RBMS3: variants seen among roughly 807,000 people sequenced by gnomAD.
RBMS3 encodes RNA binding motif single stranded interacting protein 3.
Under a neutral mutation model 66.8 loss-of-function variants are expected in RBMS3, and 27 were observed. That is an observed-to-expected ratio of 0.40 (90% CI 0.30 to 0.56). RBMS3 has a LOEUF of 0.56. RBMS3 is among the 20% of genes least tolerant of loss of function. RBMS3 has a pLI of 0.40. For missense variants in RBMS3, 513 were observed against 549.5 expected (o/e 0.93, Z 0.66); for synonymous variants, 188 against 183.0 (o/e 1.03, Z -0.22).
intron 3 of RBMS3, among the ~76,000 whole-genome samples, chr3:29,509,361 T>C (rs1295831913): frequency 1.3e-5 from 2 of 152,212 alleles, no homozygotes; most frequent in Admixed American, 1.3e-4. Context: ...TAATGACTAA[T>C]ATATAGTGAG....
At chr3:29,429,842 A>G (rs1342244062) in intron 1 of RBMS3, among the ~76,000 whole-genome samples, 2 of 152,180 alleles carry the variant, frequency 1.3e-5, no homozygotes, top group East Asian at 3.8e-4. Context: ...AAATCCCTCT[A>G]AAGACAAAGA....
chr3:29,436,539 T>C (rs1042667617), intron 2 of RBMS3, among the ~76,000 whole-genome samples: 2 of 152,246 alleles, frequency 1.3e-5, no homozygotes, highest in African/African-American at 4.8e-5. Context: ...ATAACTCAAC[T>C]TTTTCTTTTG....
At chr3:29,613,965 C>T (rs2048574497) in intron 4 of RBMS3, among the ~76,000 whole-genome samples, 1 of 152,044 alleles carries the variant, frequency 6.6e-6, no homozygotes, top group South Asian at 2.1e-4. Flanking sequence ...ATCCAGCAAT[C>T]CCGCTGCTGA....
In RBMS3 at chr3:29,491,948, G is replaced by T. The variant is rs185055936; in HGVS notation, c.307+3449G>T. On this transcript the variant is annotated intron_variant, in intron 3 of 14. Transcript: ENST00000383767. ...GCGGAGCTTGCAGTGAGCTGAGATC[G>T]TGCCACTGCACTCCAGCCTGGGTGA... Among the ~76,000 whole-genome samples, 694 of 152,022 alleles carry T rather than the reference G, an allele frequency of 4.6e-3. 8 individuals are homozygous for T. The highest frequency in any genetic ancestry group is 0.039 in the South Asian group (186 of 4,812).
chr3:29,748,489 A>T (rs1453395717), intron 5 of RBMS3, among the ~76,000 whole-genome samples: 1 of 44,712 alleles, frequency 2.2e-5, no homozygotes, highest in Non-Finnish European at 4.4e-5. Context: ...AGCAGTTTTT[A>T]AGTTTTTGCT....
intron 1 of RBMS3, among the ~76,000 whole-genome samples, chr3:29,312,117 A>G (rs2034414780): frequency 6.6e-6 from 1 of 151,802 alleles, no homozygotes; most frequent in Non-Finnish European, 1.5e-5. Flanking sequence ...AAGGCAGGAC[A>G]ACTGTTTAAA....
At chr3:29,302,288 A>T (rs758925746) in intron 1 of RBMS3, among the ~76,000 whole-genome samples, 1 of 152,050 alleles carries the variant, frequency 6.6e-6, no homozygotes, top group Non-Finnish European at 1.5e-5. Flanking sequence ...CTGGGATTAC[A>T]GGCGTGAGCT....
chr3:29,763,039 TC>T, intron 6 of RBMS3, 50 bp downstream of exon 6: 3 of 1,285,932 alleles, frequency 2.3e-6, no homozygotes, highest in Non-Finnish European at 3.4e-6. Context: ...CTTAAATTGC[TC>T]TTATTAGAAT....
At chr3:29,427,740 A>C (rs2041016775) in intron 1 of RBMS3, among the ~76,000 whole-genome samples, 1 of 152,128 alleles carries the variant, frequency 6.6e-6, no homozygotes, top group Admixed American at 6.6e-5. Flanking sequence ...GAATAAAAAC[A>C]AACTGGGGAG....
chr3:29,508,175 T>C (rs1401140370), intron 3 of RBMS3, among the ~76,000 whole-genome samples: 1 of 152,180 alleles, frequency 6.6e-6, no homozygotes, highest in African/African-American at 2.4e-5. Context: ...ATTTGTATAA[T>C]ATAATCTATT....
At chr3:29,848,249 A>C (rs1057245781) in intron 6 of RBMS3, among the ~76,000 whole-genome samples, 2 of 152,142 alleles carry the variant, frequency 1.3e-5, no homozygotes, top group Admixed American at 1.3e-4. Flanking sequence ...GCATAGATGC[A>C]TTTACAGGAT....
intron 4 of RBMS3, among the ~76,000 whole-genome samples, chr3:29,721,688 A>G (rs1395790662): frequency 6.6e-6 from 1 of 152,228 alleles, no homozygotes; most frequent in Non-Finnish European, 1.5e-5. Flanking sequence ...GTTTCCAACT[A>G]TTAATGAGGA....
chr3:29,326,049 A>G (rs1309857535), intron 1 of RBMS3, among the ~76,000 whole-genome samples: 1 of 152,210 alleles, frequency 6.6e-6, no homozygotes, highest in Non-Finnish European at 1.5e-5. Flanking sequence ...AACTGTCATA[A>G]TCTACCACTG....
At chr3:29,381,854 G>T (rs1238631396) in intron 1 of RBMS3, among the ~76,000 whole-genome samples, 1 of 152,188 alleles carries the variant, frequency 6.6e-6, no homozygotes, top group Non-Finnish European at 1.5e-5. Context: ...TTGGCATTCT[G>T]TGTTGGCTGT....
intron 6 of RBMS3, among the ~76,000 whole-genome samples, chr3:29,767,887 A>G (rs1014107045): frequency 5.3e-5 from 8 of 151,994 alleles, no homozygotes; most frequent in Non-Finnish European, 1.2e-4. Flanking sequence ...TGTTTGCTCA[A>G]TAGTAACAGT....
chr3:29,421,360 A>G (rs552097236), intron 1 of RBMS3, among the ~76,000 whole-genome samples: 77 of 152,310 alleles, frequency 5.1e-4, no homozygotes, highest in African/African-American at 1.9e-3. Flanking sequence ...AACTGAAAAA[A>G]ACAATTTAAG....
At chr3:29,465,214 G>A (rs932310024) in intron 2 of RBMS3, among the ~76,000 whole-genome samples, 2 of 152,036 alleles carry the variant, frequency 1.3e-5, no homozygotes, top group Admixed American at 1.3e-4. Flanking sequence ...TTTTTCCTGT[G>A]TTCTAAAAAG....
intron 3 of RBMS3, among the ~76,000 whole-genome samples, chr3:29,572,989 T>C (rs1316541706): frequency 1.3e-5 from 2 of 152,184 alleles, no homozygotes; most frequent in Non-Finnish European, 2.9e-5. Flanking sequence ...AATTCGATCT[T>C]GGTGGTTTGT....
chr3:29,324,351 TC>T (rs770962134), intron 1 of RBMS3, among the ~76,000 whole-genome samples: 4 of 152,168 alleles, frequency 2.6e-5, no homozygotes, highest in Non-Finnish European at 4.4e-5. Context: ...TTCTTATTGT[TC>T]AAGCCTCATA....
Sources: gnomAD v4.1 joint callset for allele counts (sites outside exome capture counted in the v4.1 genomes callset) on GRCh38, gnomAD v4.1.1 for gene constraint, MANE v1.5 for transcripts, NCBI Gene and HGNC (gene_info 2026-07-23, HGNC 2026-07-21) for gene names.